Variants in PTGIR observed in about 807,000 individuals in gnomAD.
PTGIR encodes the protein prostacyclin receptor.
Under a neutral mutation model 17.6 loss-of-function variants are expected in PTGIR, and 16 were observed. The ratio of observed to expected loss-of-function variants is 0.91; its 90% CI spans 0.61 to 1.38. The LOEUF (loss-of-function observed/expected upper bound fraction) is 1.38, where lower values mean the gene tolerates loss of function less well. Among genes scored for constraint, PTGIR ranks in the 40% most tolerant of loss-of-function variants. The probability of loss-of-function intolerance (pLI) is 0.00; values close to 1 mark genes in which losing one functional copy is unlikely to be tolerated. For missense variants in PTGIR, 532 were observed against 548.6 expected (o/e 0.97, Z 0.30); for synonymous variants, 274 against 255.4 (o/e 1.07, Z -0.69).
rs2052766941 is a variant in PTGIR at position 46,623,937 on chromosome 19, AG to A, written c.288del (p.Phe97SerfsTer3). On this transcript the variant is annotated frameshift_variant, in exon 2 of 3. Transcript: ENST00000291294. LOFTEE classifies it high-confidence loss of function. ...GCCAGGCCGAAGAAGGTCATGGCGAAGGCGAAGGCATCGCACAGGGCGGGGC... is the reference window on the plus strand; with the variant it reads ...GCCAGGCCGAAGAAGGTCATGGCGAAGCGAAGGCATCGCACAGGGCGGGGC... The part of the protein sequence containing the change: ...RGGPALCDAF[A>X]FAMTFFGLAS... 6.3e-7 allele frequency: 1 copy of A among 1,598,250 alleles called. No homozygotes were observed. The highest frequency in any genetic ancestry group is 1.7e-5 in the Admixed American group (1 of 58,526).
At chr19:46,614,555 G>A in the PTGIR span, 1 of 394,910 alleles carries the variant, frequency 2.5e-6, no homozygotes, top group Non-Finnish European at 3.4e-6. Context: ...CTCTGTGTCT[G>A]CTGGTTTGAG....
In PTGIR at chr19:46,621,364, G is replaced by C. The variant is rs1008032158; in HGVS notation, c.1077C>G (p.Pro359=). 1 of 1,564,038 alleles carries C rather than the reference G, an allele frequency of 6.4e-7. No individual in the cohort carries two copies. The change falls in exon 3 of 3, where the codon CCC becomes CCG. Residue 359 remains proline (P), a synonymous_variant. Transcript: ENST00000291294. The surrounding 1 kb of genome is among the most constrained non-coding windows in gnomAD (Gnocchi z 4.8). ...CGCTGGACTGCTGTGTGGGAGGCAA[G>C]GGCTCCACCTGCCCCTCGCCCCAAG... is the stretch of plus-strand genomic sequence containing the variant. The part of the protein sequence containing the change: ...LSAWGEGQVE[P]LPPTQQSSGS...
Position 46,621,925 on chromosome 19 carries a change from A to T in PTGIR, c.769-253T>A. ...GGTCCCCCCACCCTTGGAAGCTGGG[A>T]GGACCCTCGGGCTCCACAGATTTTT... On this transcript the variant is annotated intron_variant, in intron 2 of 2. Coordinates refer to ENST00000291294, the MANE Select transcript of PTGIR (RefSeq NM_000960.4). The surrounding 1 kb of genome is among the most constrained non-coding windows in gnomAD (Gnocchi z 4.8). 1.5e-6 allele frequency: 2 copies of T among 1,293,106 alleles called. No individual in the cohort carries two copies. The highest frequency in any genetic ancestry group is 2.0e-6 in the Non-Finnish European group (2 of 1,020,686). 80.1% of individuals were successfully genotyped at this position (1,293,106 alleles called of 1,614,324 possible).
downstream of PTGIR, among the ~76,000 whole-genome samples, chr19:46,619,551 G>GAAAGAAAGAAAGAAAGAAAGAA (rs1568675534): frequency 3.0e-5 from 2 of 66,544 alleles, no homozygotes; most frequent in Non-Finnish European, 6.1e-5. Flanking sequence ...GAAAGAAAGA[G>GAAAGAAAGAAAGAAAGAAAGAA]AGAGAGAGAG....
the PTGIR span, among the ~76,000 whole-genome samples, chr19:46,610,998 C>T: frequency 6.6e-6 from 1 of 152,162 alleles, no homozygotes; most frequent in Non-Finnish European, 1.5e-5. Flanking sequence ...AGGGTCCTGT[C>T]CTAGAGATAG....
At position 46,624,172 on chromosome 19, in the gene PTGIR, G is replaced by A; in HGVS notation, c.54C>T (p.Ala18=). 2.7e-6 allele frequency: 4 copies of A among 1,497,186 alleles called. No individual in the cohort carries two copies. Among genetic ancestry groups the A allele is most frequent in the Non-Finnish European group, 3.5e-6 (4 of 1,131,342 alleles). The allele number at this position is 1,497,186 out of a possible 1,614,324, so 92.7% of individuals were successfully genotyped here. The part of the protein sequence containing the change: ...LTYVRGSVGP[A]TSTLMFVAGV... ...CGGCCACGAACATCAGGGTGCTGGT[G>A]GCCGGCCCCACCGAGCCCCGCACGT... The change falls in exon 2 of 3, where the codon GCC becomes GCT. Residue 18 remains alanine, a synonymous_variant. Coordinates refer to ENST00000291294, the MANE Select transcript of PTGIR (RefSeq NM_000960.4).
chr19:46,624,273 C>A, intron 1 of PTGIR, 36 bp from the exon 2 acceptor site: 1 of 1,410,876 alleles, frequency 7.1e-7, no homozygotes, highest in South Asian at 1.5e-5. Context: ...CAGAGGGAGC[C>A]AGGGCTACCC....
At chr19:46,618,127 G>T (rs553099975), downstream of PTGIR, among the ~76,000 whole-genome samples, 1 of 149,768 alleles carries the variant, frequency 6.7e-6, no homozygotes, top group African/African-American at 2.5e-5. Context: ...CCATTCTCCT[G>T]CCTCAGCCTC....
rs923007701 is a variant in PTGIR at position 46,620,575 on chromosome 19, T to A, written c.*705A>T. 3.0e-6 allele frequency: 3 copies of A among 985,246 alleles called. No individual in the cohort carries two copies. The African/African-American group carries it at 5.3e-5, about 17-fold the overall frequency. The allele number at this position is 985,246 out of a possible 1,614,324, so 61.0% of individuals were successfully genotyped here. ...TGGGATCCGCAGCCCCCACCCTTCA[T>A]CTGCCAGCTTCTCCATCTGTCTCCC... On this transcript the variant is annotated 3_prime_UTR_variant, in exon 3 of 3. Coordinates refer to ENST00000291294, the MANE Select transcript of PTGIR (RefSeq NM_000960.4).
chr19:46,623,548 T>C lies in PTGIR; in HGVS notation c.678A>G (p.Pro226=), dbSNP rs753729177. 1.9e-6 allele frequency: 3 copies of C among 1,557,248 alleles called. No homozygotes were observed. The East Asian group carries it at 7.2e-5, about 37-fold the overall frequency. Residue 226 remains proline, a synonymous_variant, in exon 2 of 3, where the codon CCA becomes CCG. Transcript: ENST00000291294. ...QQKRHQGSLG[P]RPRTGEDEVD... is the part of the protein sequence containing the mutation. Reference sequence around the variant, plus strand: ...CCTCGTCCTCTCCGGTGCGCGGCCGTGGACCCAGAGAGCCCTGGTGGCGCT... The same window carrying C: ...CCTCGTCCTCTCCGGTGCGCGGCCGCGGACCCAGAGAGCCCTGGTGGCGCT...
At position 46,623,520 on chromosome 19, in the gene PTGIR, C is replaced by T; in HGVS notation, c.706G>A (p.Asp236Asn). The T allele has an allele frequency of 6.4e-7, 1 of 1,571,604 alleles. No homozygotes were observed. Among genetic ancestry groups the T allele is most frequent in the Non-Finnish European group, 8.6e-7 (1 of 1,158,114 alleles). ...ATGAGGGCCAGCAGGATCAGGTGGT[C>T]CACCTCGTCCTCTCCGGTGCGCGGC... ...PRPRTGEDEV[D>N]HLILLALMTV... Residue 236 changes from aspartate (D) to asparagine (N), a missense_variant, in exon 2 of 3, where the codon GAC becomes AAC. Physicochemically the swap from Asp to Asn is conservative, Grantham distance 23. Coordinates refer to ENST00000291294, the MANE Select transcript of PTGIR (RefSeq NM_000960.4).
Position 46,621,768 on chromosome 19 carries a change from G to T in PTGIR, c.769-96C>A. 1 of 1,489,630 alleles carries T rather than the reference G, an allele frequency of 6.7e-7. No individual in the cohort carries two copies. The highest frequency in any genetic ancestry group is 2.4e-5 in the East Asian group (1 of 41,746). The allele number at this position is 1,489,630 out of a possible 1,614,324, so 92.3% of individuals were successfully genotyped here. ...CACTTGCTTACCAGGGATGAGGTAG[G>T]GGTGACATGTCAGAGGGGAAGGAGA... On this transcript the variant is annotated intron_variant, in intron 2 of 2. Transcript: ENST00000291294. This position sits in a 1 kb window ranked among gnomAD's most constrained non-coding sequence, Gnocchi z 4.8.
chr19:46,621,246 G>T lies in PTGIR; in HGVS notation c.*34C>A. 6.8e-7 allele frequency: 1 copy of T among 1,476,220 alleles called. No individual in the cohort carries two copies. Among genetic ancestry groups the T allele is most frequent in the South Asian group, 1.5e-5 (1 of 65,074 alleles). The allele number at this position is 1,476,220 out of a possible 1,614,324, so 91.4% of individuals were successfully genotyped here. A position where few individuals can be genotyped will look rare whatever the true frequency, so the allele number is the denominator to read the frequency against. ...GATTTTCTGGCTCCTGTCGCCCGAAGACAGGGCAGAGATCACAGGGTCAGC... is the reference window on the plus strand; with the variant it reads ...GATTTTCTGGCTCCTGTCGCCCGAATACAGGGCAGAGATCACAGGGTCAGC... On this transcript the variant is annotated 3_prime_UTR_variant, in exon 3 of 3. Coordinates refer to ENST00000291294, the MANE Select transcript of PTGIR (RefSeq NM_000960.4). The surrounding 1 kb of genome is among the most constrained non-coding windows in gnomAD (Gnocchi z 4.8).
At chr19:46,619,549 G>GAAAGAAAGAA (rs768823157), downstream of PTGIR, among the ~76,000 whole-genome samples, 225 of 71,276 alleles carry the variant, frequency 3.2e-3, no homozygotes, top group East Asian at 5.7e-3. Flanking sequence ...AAGAAAGAAA[G>GAAAGAAAGAA]AGAGAGAGAG....
downstream of PTGIR, among the ~76,000 whole-genome samples, chr19:46,618,615 T>A (rs1387341833): frequency 1.2e-4 from 18 of 152,318 alleles, 1 homozygote; most frequent in Admixed American, 7.8e-4. Context: ...CTTTATTTTT[T>A]AAATTTTTTT....
downstream of PTGIR, among the ~76,000 whole-genome samples, chr19:46,620,298 C>T (rs746711044): frequency 6.6e-5 from 10 of 152,056 alleles, no homozygotes; most frequent in Non-Finnish European, 1.3e-4. Context: ...GACAAGTTCT[C>T]GATATATTGC....
At chr19:46,614,840 A>C in the PTGIR span, among the ~76,000 whole-genome samples, 10 of 152,292 alleles carry the variant, frequency 6.6e-5, 1 homozygote, top group South Asian at 1.9e-3. Context: ...GGCCAACATA[A>C]TGAAACCCCG....
At chr19:46,612,668 G>GGCCAGA in the PTGIR span, among the ~76,000 whole-genome samples, 2 of 152,218 alleles carry the variant, frequency 1.3e-5, no homozygotes, top group Admixed American at 6.5e-5. Context: ...ACTTCAGGCA[G>GGCCAGA]GCCAGAGCCA....
downstream of PTGIR, among the ~76,000 whole-genome samples, chr19:46,619,552 AGAGAGAGAGAG>A (rs1972017066): frequency 1.1e-3 from 76 of 71,042 alleles, 1 homozygote; most frequent in Admixed American, 4.2e-3. Context: ...AAAGAAAGAG[AGAGAGAGAGAG>A]AGAGAGAGAG....
Sources: allele counts gnomAD v4.1 joint callset (sites outside exome capture counted in the v4.1 genomes callset), GRCh38; gene constraint gnomAD v4.1.1; non-coding constraint Gnocchi (gnomAD v3.1); transcripts MANE v1.5; gene names NCBI Gene and HGNC (gene_info 2026-07-23, HGNC 2026-07-21).